CAST: variants seen among roughly 807,000 people sequenced by gnomAD.
The protein encoded by CAST is MIR583 host.
In CAST, 76 loss-of-function variants were observed where a neutral mutation model predicts 119.6. The ratio of observed to expected loss-of-function variants is 0.64; its 90% confidence interval spans 0.53 to 0.77. The LOEUF (loss-of-function observed/expected upper bound fraction) is 0.77, where lower values mean the gene tolerates loss of function less well. Among genes scored for constraint, CAST ranks in the 30% least tolerant of loss-of-function variants. The pLI, the probability that CAST is intolerant of heterozygous loss-of-function variation, is 0.00. For synonymous variants in CAST, 319 were observed against 331.6 expected (o/e 0.96, Z 0.41); for missense variants, 953 against 946.5 (o/e 1.01, Z -0.09).
the CAST span, among the ~76,000 whole-genome samples, chr5:95,988,599 G>A: frequency 6.6e-6 from 1 of 152,098 alleles, no homozygotes; most frequent in Non-Finnish European, 1.5e-5. Flanking sequence ...TACCCATAGT[G>A]GAGACTCTGA....
At chr5:96,608,376 T>C (rs1747298715) in intron 1 of CAST, among the ~76,000 whole-genome samples, 1 of 152,166 alleles carries the variant, frequency 6.6e-6, no homozygotes, top group Non-Finnish European at 1.5e-5. Flanking sequence ...TCCTTATCTA[T>C]GGAAATGAGG....
chr5:96,564,145 A>G (rs1440118515), intron 1 of CAST, among the ~76,000 whole-genome samples: 1 of 152,204 alleles, frequency 6.6e-6, no homozygotes, highest in Non-Finnish European at 1.5e-5. Flanking sequence ...ATGCAGGAAA[A>G]AGATCCACTT....
chr5:96,361,451 A>C, the CAST span, among the ~76,000 whole-genome samples: 109,469 of 152,012 alleles, frequency 0.72, 40,673 homozygotes, highest in African/African-American at 0.91. Context: ...AAACCCAGGG[A>C]CCTGGTGGTG....
At chr5:96,163,799 G>C in the CAST span, among the ~76,000 whole-genome samples, 1 of 152,214 alleles carries the variant, frequency 6.6e-6, no homozygotes, top group Non-Finnish European at 1.5e-5. Flanking sequence ...TTCTCTGGCA[G>C]AATGGTGTCT....
intron 1 of CAST, among the ~76,000 whole-genome samples, chr5:96,542,563 G>T (rs1745933367): frequency 7.6e-6 from 1 of 130,824 alleles, no homozygotes; most frequent in African/African-American, 2.8e-5. Context: ...ATGATTATTT[G>T]CCATAAGGCA....
chr5:96,238,301 T>TTTCTTCTTCTTTTTC, the CAST span, among the ~76,000 whole-genome samples: 1 of 94,806 alleles, frequency 1.1e-5, no homozygotes, highest in Non-Finnish European at 2.1e-5. Context: ...TGCAAATCTG[T>TTTCTTCTTCTTTTTC]TTCTTCTTCT....
chr5:96,116,133 A>T, the CAST span, among the ~76,000 whole-genome samples: 1 of 152,100 alleles, frequency 6.6e-6, no homozygotes, highest in Non-Finnish European at 1.5e-5. Context: ...CCAGGTAACC[A>T]TTGATTTGCT....
intron 16 of CAST, chr5:96,743,744 C>A: frequency 6.3e-7 from 1 of 1,578,482 alleles, no homozygotes; most frequent in South Asian, 1.1e-5. Context: ...CTTCCAGGAC[C>A]AAGTAATGTA....
At chr5:96,661,445 G>C (rs75211496), upstream of CAST, among the ~76,000 whole-genome samples, 1 of 139,444 alleles carries the variant, frequency 7.2e-6, no homozygotes. Context: ...AAAAAAAAAG[G>C]CTCTGCCTTC....
chr5:96,559,071 G>A (rs1047215192), intron 1 of CAST, among the ~76,000 whole-genome samples: 6 of 152,000 alleles, frequency 3.9e-5, no homozygotes, highest in East Asian at 1.9e-4. Flanking sequence ...ATCGATAAAC[G>A]TAATCCAGCA....
chr5:96,532,871 A>T lies in CAST; in HGVS notation c.60+2991A>T, dbSNP rs115077538. 6.8e-3 allele frequency among the ~76,000 whole-genome samples: 1,040 copies of T among 152,024 alleles called. 21 individuals are homozygous for T. Among genetic ancestry groups the T allele is most frequent in the African/African-American group, 0.024 (1,012 of 41,460 alleles). On this transcript the variant is annotated intron_variant, in intron 1 of 11. Transcript: ENST00000505143. ...TCTCAAAAAAAAATTGTTTTTAATT[A>T]AAAAATCAGCCAGGATGGTGGTGCA...
At chr5:96,740,902 GA>G in intron 13 of CAST, 119 bp downstream of exon 13, 7 of 712,730 alleles carry the variant, frequency 9.8e-6, no homozygotes, top group Non-Finnish European at 9.9e-6. Context: ...AAATCAAATG[GA>G]GTTTCTGTGT....
the CAST span, among the ~76,000 whole-genome samples, chr5:96,479,055 G>C: frequency 6.6e-6 from 1 of 152,156 alleles, no homozygotes; most frequent in Non-Finnish European, 1.5e-5. Flanking sequence ...GAGCACTGAG[G>C]AGGAGCCACA....
At chr5:96,452,971 A>AAAC in the CAST span, among the ~76,000 whole-genome samples, 7 of 148,880 alleles carry the variant, frequency 4.7e-5, no homozygotes, top group Non-Finnish European at 8.9e-5. Flanking sequence ...AAAAAAAAAA[A>AAAC]AAAAACAGAA....
chr5:96,547,201 A>G (rs1746035369), intron 1 of CAST, among the ~76,000 whole-genome samples: 1 of 152,192 alleles, frequency 6.6e-6, no homozygotes, highest in Non-Finnish European at 1.5e-5. Flanking sequence ...TTGGCTCATG[A>G]GATTTAATTA....
the CAST span, among the ~76,000 whole-genome samples, chr5:96,384,950 T>A: frequency 6.6e-6 from 1 of 152,140 alleles, no homozygotes; most frequent in Non-Finnish European, 1.5e-5. Flanking sequence ...TTTTTAAACA[T>A]ACACACCCCA....
At chr5:96,550,831 A>G (rs982752557) in intron 1 of CAST, among the ~76,000 whole-genome samples, 1 of 152,254 alleles carries the variant, frequency 6.6e-6, no homozygotes, top group Admixed American at 6.5e-5. Context: ...TTGAATATCA[A>G]GTTAATGAAA....
chr5:96,717,252 T>C (rs1483533134), intron 3 of CAST, among the ~76,000 whole-genome samples: 4 of 152,116 alleles, frequency 2.6e-5, no homozygotes, highest in African/African-American at 4.8e-5. Flanking sequence ...CATGGTTCAG[T>C]GTTAAAGTGA....
At chr5:96,223,178 T>C in the CAST span, among the ~76,000 whole-genome samples, 3 of 152,132 alleles carry the variant, frequency 2.0e-5, no homozygotes, top group African/African-American at 7.2e-5. Context: ...TACAGTTACA[T>C]AGAAGACATA....
Sources: gnomAD v4.1 joint callset for allele counts (sites outside exome capture counted in the v4.1 genomes callset) on GRCh38, gnomAD v4.1.1 for gene constraint, MANE v1.5 for transcripts, NCBI Gene and HGNC (gene_info 2026-07-23, HGNC 2026-07-21) for gene names.